ADGRL1: variants seen among roughly 807,000 people sequenced by gnomAD.
ADGRL1 encodes adhesion G protein-coupled receptor L1.
A neutral mutation model predicts 148.9 loss-of-function variants in ADGRL1; 31 were observed. That is an observed-to-expected ratio of 0.21 (90% CI 0.16 to 0.28). The LOEUF (loss-of-function observed/expected upper bound fraction) is 0.28, where lower values mean the gene tolerates loss of function less well. ADGRL1 is among the 10% of genes least tolerant of loss of function. ADGRL1 has a pLI of 1.00. For synonymous variants in ADGRL1, 937 were observed against 900.3 expected (o/e 1.04, Z -0.73); for missense variants, 1,521 against 2,058.8 (o/e 0.74, Z 5.05).
chr19:14,157,988 T>C lies in ADGRL1; in HGVS notation c.2429A>G (p.Tyr810Cys), dbSNP rs1169996048. 6.2e-7 allele frequency: 1 copy of C among 1,614,178 alleles called. No individual in the cohort carries two copies. The highest frequency in any genetic ancestry group is 8.5e-7 in the Non-Finnish European group (1 of 1,179,994). Residue 810 changes from tyrosine (Y) to cysteine (C), a missense_variant, in exon 13 of 23, where the codon TAC becomes TGC. Transcript: ENST00000361434. This position sits in a 1 kb window ranked among gnomAD's most constrained non-coding sequence, Gnocchi z 7.5. Reference protein sequence around the residue: ...WNYSERSMLGYWSTQGCRLVE... With the variant: ...WNYSERSMLGCWSTQGCRLVE... ...CAGGCGGCAGCCTTGGGTCGACCAG[T>C]AGCCCAGCATGGAACGCTCCGAGTA... is the stretch of plus-strand genomic sequence containing the variant.
chr19:14,177,444 AG>A, intron 3 of ADGRL1, 86 bp downstream of exon 3: 5 of 1,251,198 alleles, frequency 4.0e-6, no homozygotes, highest in Non-Finnish European at 5.8e-6. Flanking sequence ...CATAAAAAAA[AG>A]ATGTAAGGTG....
chr19:14,161,490 C>A lies in ADGRL1; in HGVS notation c.1332G>T (p.Gln444His). The A allele has an allele frequency of 6.9e-7, 1 of 1,441,236 alleles. No homozygotes were observed. The highest frequency in any genetic ancestry group is 1.5e-5 in the South Asian group (1 of 67,838). The allele number at this position is 1,441,236 out of a possible 1,614,324, so 89.3% of individuals were successfully genotyped here. ...LTTHPVGAIN[Q>H]LGPDLPPATA... ...TGGCTGGAGGCAGATCAGGTCCCAG[C>A]TGGTTGATGGCACCCACTGGGTGCG... Residue 444 changes from glutamine (Q) to histidine (H), a missense_variant, in exon 6 of 23, where the codon CAG becomes CAT. Around this residue, in one of 8 missense-constraint regions of ADGRL1, gnomAD observed 270 missense variants for 320.4 expected, o/e 0.84. Coordinates refer to ENST00000361434, the MANE Select transcript of ADGRL1 (RefSeq NM_014921.5). The surrounding 1 kb of genome is among the most constrained non-coding windows in gnomAD (Gnocchi z 4.4).
At chr19:14,156,853 G>A (rs1269942812) in intron 15 of ADGRL1, 72 bp downstream of exon 15, 3 of 1,553,784 alleles carry the variant, frequency 1.9e-6, no homozygotes, top group Non-Finnish European at 2.6e-6. Flanking sequence ...CGCCCTGAGG[G>A]TCCTGGTCCA....
chr19:14,196,150 TCTCTAC>T (rs1255703123), intron 1 of ADGRL1, among the ~76,000 whole-genome samples: 1 of 152,156 alleles, frequency 6.6e-6, no homozygotes, highest in Non-Finnish European at 1.5e-5. Flanking sequence ...TCCCATCCAA[TCTCTAC>T]CTCGAGGCGA....
At chr19:14,184,156 GC>G (rs893815486) in intron 1 of ADGRL1, among the ~76,000 whole-genome samples, 57 of 152,224 alleles carry the variant, frequency 3.7e-4, no homozygotes, top group African/African-American at 1.4e-3. Context: ...CCCGCCCCCA[GC>G]CCCCTGCTTC....
intron 1 of ADGRL1, among the ~76,000 whole-genome samples, chr19:14,193,134 C>T (rs1972047014): frequency 6.6e-6 from 1 of 151,972 alleles, no homozygotes; most frequent in Non-Finnish European, 1.5e-5. Context: ...AGAGTGGCTC[C>T]CCTAGGAAGC....
intron 1 of ADGRL1, among the ~76,000 whole-genome samples, chr19:14,186,140 C>G (rs1044996960): frequency 6.6e-6 from 1 of 152,150 alleles, no homozygotes; most frequent in African/African-American, 2.4e-5. Flanking sequence ...CTCACTGCAG[C>G]CTCCACCTCC....
intron 3 of ADGRL1, among the ~76,000 whole-genome samples, chr19:14,174,535 A>ATT (rs35665946): frequency 1.0e-4 from 14 of 136,620 alleles, no homozygotes; most frequent in African/African-American, 1.7e-4. Context: ...GGTAACACAC[A>ATT]TTTTTTTTTT....
At chr19:14,158,702 G>A (rs965746508) in intron 11 of ADGRL1, 150 bp from the exon 12 acceptor site, 3 of 654,140 alleles carry the variant, frequency 4.6e-6, no homozygotes, top group African/African-American at 3.6e-5. Flanking sequence ...CCAGGCAGGT[G>A]GGGGTCAGGG....
intron 1 of ADGRL1, among the ~76,000 whole-genome samples, chr19:14,190,080 A>G (rs1355073375): frequency 6.6e-6 from 1 of 152,148 alleles, no homozygotes; most frequent in East Asian, 1.9e-4. Context: ...GGTGGGCACC[A>G]CCGTGCCTGG....
chr19:14,164,312 G>C (rs936375236), intron 4 of ADGRL1, among the ~76,000 whole-genome samples: 3 of 152,090 alleles, frequency 2.0e-5, no homozygotes, highest in African/African-American at 7.2e-5. Flanking sequence ...CAGGGCTCCC[G>C]GGAGAGTTGG....
chr19:14,164,043 C>A (rs1272515514), intron 4 of ADGRL1, among the ~76,000 whole-genome samples: 2 of 151,960 alleles, frequency 1.3e-5, no homozygotes, highest in Non-Finnish European at 2.9e-5. Context: ...TCTCCCTATT[C>A]CAGGATAGGG....
rs1346658795 is a variant in ADGRL1 at position 14,155,966 on chromosome 19, T to G, written c.3125+144A>C. On this transcript the variant is annotated intron_variant, in intron 17 of 22. Transcript: ENST00000361434. The surrounding 1 kb of genome is among the most constrained non-coding windows in gnomAD (Gnocchi z 5.0). ...TTAAGTAGGTACATAGTGAACACAA[T>G]AGAACACCCCTGTTGGTACTTAAAA... The G allele has an allele frequency of 3.0e-6, 2 of 659,872 alleles. No individual in the cohort carries two copies. Among genetic ancestry groups the G allele is most frequent in the East Asian group, 5.5e-5 (2 of 36,538 alleles). The allele number at this position is 659,872 out of a possible 1,614,324, so 40.9% of individuals were successfully genotyped here.
At chr19:14,173,980 C>T (rs1269529305) in intron 3 of ADGRL1, among the ~76,000 whole-genome samples, 4 of 144,062 alleles carry the variant, frequency 2.8e-5, no homozygotes, top group African/African-American at 1.0e-4. Flanking sequence ...AGTCTCCAGG[C>T]TTGGTTGTGG....
chr19:14,152,185 G>GC lies in ADGRL1; in HGVS notation c.3650-36dup. On this transcript the variant is annotated intron_variant, in intron 21 of 22. Transcript: ENST00000361434. This position sits in a 1 kb window ranked among gnomAD's most constrained non-coding sequence, Gnocchi z 6.1. The stretch of plus-strand genomic sequence containing the variant: ...GCAGCCAGAAGAGAGAAGAGAAAAG[G>GC]CAAGGATGAGCTCGAAATGCAAGTC... The GC allele has an allele frequency of 6.2e-7, 1 of 1,614,076 alleles. No homozygotes were observed. Among genetic ancestry groups the GC allele is most frequent in the Non-Finnish European group, 8.5e-7 (1 of 1,179,994 alleles).
chr19:14,152,203 T>G lies in ADGRL1; in HGVS notation c.3650-53A>C. ...AGAAAAGGCAAGGATGAGCTCGAAA[T>G]GCAAGTCCAGGCTCCAGTTCTGGGG... On this transcript the variant is annotated intron_variant, in intron 21 of 22. Transcript: ENST00000361434. The surrounding 1 kb of genome is among the most constrained non-coding windows in gnomAD (Gnocchi z 6.1). 6.2e-7 allele frequency: 1 copy of G among 1,614,012 alleles called. No homozygotes were observed. Among genetic ancestry groups the G allele is most frequent in the Non-Finnish European group, 8.5e-7 (1 of 1,179,982 alleles).
In ADGRL1 at chr19:14,161,042, A is replaced by T. The variant is rs1969311967; in HGVS notation, c.1510+270T>A. 6.6e-6 allele frequency among the ~76,000 whole-genome samples: 1 copy of T among 152,140 alleles called. No homozygotes were observed. The highest frequency in any genetic ancestry group is 1.5e-5 in the Non-Finnish European group (1 of 68,010). On this transcript the variant is annotated intron_variant, in intron 6 of 22. Transcript: ENST00000361434. This position sits in a 1 kb window ranked among gnomAD's most constrained non-coding sequence, Gnocchi z 4.4. ...CTTTTTGCACTTCAGCTGGCCATCC[A>T]TGTGAAGCTGACTGTGCCTGGGGCT...
chr19:14,183,412 T>A, intron 2 of ADGRL1, 121 bp downstream of exon 2: 1 of 914,304 alleles, frequency 1.1e-6, no homozygotes, highest in Non-Finnish European at 1.7e-6. Context: ...AGCTGAGGTC[T>A]GGGGCGGGGC....
chr19:14,160,520 C>T lies in ADGRL1; in HGVS notation c.1614+73G>A, dbSNP rs1969246604. 2 of 1,180,658 alleles carry T rather than the reference C, an allele frequency of 1.7e-6. No individual in the cohort carries two copies. The highest frequency in any genetic ancestry group is 2.4e-6 in the Non-Finnish European group (2 of 843,250). The allele number at this position is 1,180,658 out of a possible 1,614,324, so 73.1% of individuals were successfully genotyped here. Reference sequence around the variant, plus strand: ...GCCAGCCCATGTCTCCCCAGCTGCTCCACGACCCCCGCTGGGCCCTGGGCC... The same window carrying T: ...GCCAGCCCATGTCTCCCCAGCTGCTTCACGACCCCCGCTGGGCCCTGGGCC... On this transcript the variant is annotated intron_variant, in intron 7 of 22. Coordinates refer to ENST00000361434, the MANE Select transcript of ADGRL1 (RefSeq NM_014921.5). This position sits in a 1 kb window ranked among gnomAD's most constrained non-coding sequence, Gnocchi z 5.9.
Sources: allele counts gnomAD v4.1 joint callset (sites outside exome capture counted in the v4.1 genomes callset), GRCh38; gene constraint gnomAD v4.1.1; regional missense constraint gnomAD v4.1.1; non-coding constraint Gnocchi (gnomAD v3.1); transcripts MANE v1.5; gene names NCBI Gene and HGNC (gene_info 2026-07-23, HGNC 2026-07-21).